Variants in ITPR1 observed in about 807,000 individuals in gnomAD.
ITPR1 encodes the protein inositol 1,4,5-trisphosphate-gated calcium channel ITPR1.
Under a neutral mutation model 318.4 loss-of-function variants are expected in ITPR1, and 96 were observed. The ratio of observed to expected loss-of-function variants is 0.30; its 90% confidence interval spans 0.26 to 0.36. The LOEUF is 0.36. ITPR1 is among the 10% of genes least tolerant of loss of function. The probability of loss-of-function intolerance (pLI) is 1.00; values close to 1 mark genes in which losing one functional copy is unlikely to be tolerated. For synonymous variants in ITPR1, 1,312 were observed against 1,289.9 expected, an observed-to-expected ratio of 1.02 and a Z score of -0.37; for missense variants, 2,440 against 3,460.2, an observed-to-expected ratio of 0.71 and a Z score of 7.40.
At chr3:4,513,935 C>T (rs755644042) in intron 2 of ITPR1, among the ~76,000 whole-genome samples, 1 of 152,046 alleles carries the variant, frequency 6.6e-6, no homozygotes, top group African/African-American at 2.4e-5. Flanking sequence ...AAAATACAAA[C>T]GTTTAGCCAG....
intron 44 of ITPR1, chr3:4,749,731 G>T (rs1250573309): frequency 6.6e-6 from 1 of 152,544 alleles, no homozygotes; most frequent in South Asian, 2.1e-4. Flanking sequence ...AGTTCCCATG[G>T]TAACTGTTTT....
intron 2 of ITPR1, among the ~76,000 whole-genome samples, chr3:4,498,385 C>G (rs1324798983): frequency 6.6e-6 from 1 of 151,904 alleles, no homozygotes; most frequent in Non-Finnish European, 1.5e-5. Context: ...GTACAGAGGC[C>G]CTGAGATAGG....
chr3:4,823,318 A>G (rs1189637560), intron 60 of ITPR1, among the ~76,000 whole-genome samples: 1 of 152,232 alleles, frequency 6.6e-6, no homozygotes, highest in African/African-American at 2.4e-5. Context: ...GAAAATTAGA[A>G]ATTTGAGCAG....
intron 5 of ITPR1, among the ~76,000 whole-genome samples, chr3:4,637,888 C>T (rs2093237931): frequency 6.6e-6 from 1 of 152,174 alleles, no homozygotes; most frequent in Admixed American, 6.5e-5. Context: ...AAATGTTAAT[C>T]AGCAGAACAT....
At chr3:4,518,894 G>T (rs1205226525) in intron 3 of ITPR1, among the ~76,000 whole-genome samples, 1 of 152,152 alleles carries the variant, frequency 6.6e-6, no homozygotes, top group Non-Finnish European at 1.5e-5. Context: ...ACCAGCCTGG[G>T]CAATATAGCA....
rs1210539741 is a variant in ITPR1, at chr3:4,766,962, A to G, written c.5725+252A>G. Among the ~76,000 whole-genome samples, 4 of 152,382 alleles carry G rather than the reference A, an allele frequency of 2.6e-5. No homozygotes were observed. The South Asian group carries it at 8.3e-4, about 32-fold the overall frequency. On this transcript the variant is annotated intron_variant, in intron 45 of 61. Transcript: ENST00000649015. ...TTAGGGTTTTATTGGCAAGGGATCC[A>G]TGAATAATCTTTTCCTGTGATTCCT...
rs781057314 is a variant in ITPR1 at position 4,676,608 on chromosome 3, T to G, written c.2780-6T>G. Reference sequence around the variant, plus strand: ...TGTGACCGTGGTCTCTCCTGGCCTTTCCTAGGCAGTAACGTGATGAGATCT... The same window carrying G: ...TGTGACCGTGGTCTCTCCTGGCCTTGCCTAGGCAGTAACGTGATGAGATCT... On this transcript the variant is annotated splice_region_variant and splice_polypyrimidine_tract_variant and intron_variant, in intron 23 of 61. Transcript: ENST00000649015. The G allele has an allele frequency of 5.0e-5, 81 of 1,612,894 alleles. 1 individual carries two copies. The highest frequency in any genetic ancestry group is 6.7e-5 in the Non-Finnish European group (79 of 1,179,332).
chr3:4,681,083 T>C (rs984870555), intron 25 of ITPR1, among the ~76,000 whole-genome samples: 6 of 152,112 alleles, frequency 3.9e-5, no homozygotes, highest in African/African-American at 1.4e-4. Context: ...CGGGAGATGG[T>C]AGGAGTAGAA....
chr3:4,817,785 C>G (rs2049404112), intron 59 of ITPR1, among the ~76,000 whole-genome samples: 1 of 152,198 alleles, frequency 6.6e-6, no homozygotes, highest in Non-Finnish European at 1.5e-5. Flanking sequence ...CTAAACACTC[C>G]TGGAACCTAG....
chr3:4,638,249 C>T (rs1228082949), intron 5 of ITPR1, among the ~76,000 whole-genome samples: 2 of 152,226 alleles, frequency 1.3e-5, no homozygotes, highest in African/African-American at 4.8e-5. Flanking sequence ...ACACTCTTAT[C>T]ATCAGGGTTT....
intron 44 of ITPR1, among the ~76,000 whole-genome samples, chr3:4,745,973 G>T (rs2044077680): frequency 6.6e-6 from 1 of 152,202 alleles, no homozygotes; most frequent in African/African-American, 2.4e-5. Flanking sequence ...CCTCCTGGGA[G>T]TTTAACCATT....
At chr3:4,839,351 A>G (rs1312995252) in intron 61 of ITPR1, among the ~76,000 whole-genome samples, 1 of 152,010 alleles carries the variant, frequency 6.6e-6, no homozygotes, top group Non-Finnish European at 1.5e-5. Flanking sequence ...GAATAGAGGT[A>G]TAGGACAGTA....
chr3:4,823,274 A>G (rs1364956569), intron 60 of ITPR1, among the ~76,000 whole-genome samples: 1 of 152,226 alleles, frequency 6.6e-6, no homozygotes, highest in Non-Finnish European at 1.5e-5. Flanking sequence ...CCATTTTTCT[A>G]GTATAGTCAA....
intron 59 of ITPR1, chr3:4,817,361 T>C (rs1391265887): frequency 6.6e-6 from 1 of 152,246 alleles, no homozygotes; most frequent in African/African-American, 2.4e-5. Context: ...TATGTGTGTA[T>C]GTGTACACAG....
chr3:4,546,941 G>A (rs1156406782), intron 4 of ITPR1, among the ~76,000 whole-genome samples: 1 of 152,102 alleles, frequency 6.6e-6, no homozygotes, highest in Non-Finnish European at 1.5e-5. Context: ...ACTGGTTTAG[G>A]AGCTGGAGGA....
intron 50 of ITPR1, among the ~76,000 whole-genome samples, 170 bp from the exon 51 acceptor site, chr3:4,783,646 C>T (rs535280199): frequency 1.3e-5 from 2 of 152,372 alleles, no homozygotes; most frequent in East Asian, 1.9e-4. Flanking sequence ...CCCAAAATAG[C>T]GCCTGTGCAC....
In ITPR1 at chr3:4,693,473, C is replaced by T. The variant is rs72997345; in HGVS notation, c.4030-17C>T. ...CCTGCAAGCTTGTAATCTAAACCCA[C>T]CCTGTTCTTTATGTAGCTGGTCAAT... On this transcript the variant is annotated splice_polypyrimidine_tract_variant and intron_variant, in intron 32 of 61. Coordinates refer to ENST00000649015, the MANE Select transcript of ITPR1 (RefSeq NM_001378452.1). 13,215 of 1,610,934 alleles carry T rather than the reference C, an allele frequency of 8.2e-3. 80 individuals are homozygous for T. The highest frequency in any genetic ancestry group is 9.6e-3 in the Non-Finnish European group (11,280 of 1,177,324).
At chr3:4,682,588 C>G (rs1254239365) in intron 26 of ITPR1, among the ~76,000 whole-genome samples, 1 of 152,198 alleles carries the variant, frequency 6.6e-6, no homozygotes, top group Non-Finnish European at 1.5e-5. Context: ...AGATGTTTTT[C>G]TGAAACTTAA....
chr3:4,643,430 G>C (rs573699997), intron 7 of ITPR1, among the ~76,000 whole-genome samples: 2 of 152,150 alleles, frequency 1.3e-5, no homozygotes, highest in Non-Finnish European at 2.9e-5. Flanking sequence ...GCTTAGTTGA[G>C]AAGATGAGAT....
Sources: gnomAD v4.1 joint callset for allele counts (sites outside exome capture counted in the v4.1 genomes callset) on GRCh38, gnomAD v4.1.1 for gene constraint, MANE v1.5 for transcripts, NCBI Gene and HGNC (gene_info 2026-07-23, HGNC 2026-07-21) for gene names.